SCAMP1: variants seen among roughly 807,000 people sequenced by gnomAD.
SCAMP1 encodes secretory carrier membrane protein 1.
SCAMP1 carries 15 observed loss-of-function variants against 41.8 expected under a neutral mutation model. That is an observed-to-expected ratio of 0.36 (90% CI 0.24 to 0.55). The LOEUF (loss-of-function observed/expected upper bound fraction) is 0.55, where lower values mean the gene tolerates loss of function less well. Ranked by LOEUF, SCAMP1 falls within the 20% of genes least tolerant of loss-of-function variation. The pLI, the probability that SCAMP1 is intolerant of heterozygous loss-of-function variation, is 0.86. For synonymous variants in SCAMP1, 135 were observed against 136.8 expected (o/e 0.99, Z 0.09); for missense variants, 341 against 412.6 (o/e 0.83, Z 1.50).
intron 2 of SCAMP1, among the ~76,000 whole-genome samples, chr5:78,389,701 CTTAGAG>C (rs1209084095): frequency 6.6e-6 from 1 of 152,098 alleles, no homozygotes; most frequent in African/African-American, 2.4e-5. Flanking sequence ...GCCCTCATCT[CTTAGAG>C]TTAGGGCAAT....
rs1282819078 is a variant in SCAMP1, at chr5:78,475,682, A to G, written c.*14A>G. 1.3e-6 allele frequency: 2 copies of G among 1,500,598 alleles called. No individual in the cohort carries two copies. Among genetic ancestry groups the G allele is most frequent in the African/African-American group, 2.8e-5 (2 of 71,524 alleles). The allele number at this position is 1,500,598 out of a possible 1,614,324, so 93.0% of individuals were successfully genotyped here. A position where few individuals can be genotyped will look rare whatever the true frequency, so the allele number is the denominator to read the frequency against. On this transcript the variant is annotated 3_prime_UTR_variant, in exon 9 of 9. Coordinates refer to ENST00000621999, the MANE Select transcript of SCAMP1 (RefSeq NM_004866.6). ...AACCAGATTTAAGAATCTTCAAACAATACACTGTTACCTTTTGACTGTACC... is the reference window on the plus strand; with the variant it reads ...AACCAGATTTAAGAATCTTCAAACAGTACACTGTTACCTTTTGACTGTACC...
At chr5:78,428,319 G>T (rs1194222681) in intron 6 of SCAMP1, among the ~76,000 whole-genome samples, 1 of 152,092 alleles carries the variant, frequency 6.6e-6, no homozygotes, top group African/African-American at 2.4e-5. Context: ...ACTATATTTT[G>T]TAAATTATCT....
intron 2 of SCAMP1, among the ~76,000 whole-genome samples, chr5:78,402,448 C>A (rs1193412335): frequency 1.3e-5 from 2 of 152,146 alleles, no homozygotes; most frequent in African/African-American, 4.8e-5. Context: ...GTAGTTTCAT[C>A]TGTTTCTCCT....
At chr5:78,360,809 C>T (rs556580324) in intron 1 of SCAMP1, 81 bp downstream of exon 1, 17 of 1,380,968 alleles carry the variant, frequency 1.2e-5, no homozygotes, top group Non-Finnish European at 1.5e-5. Context: ...GCGCCCACTG[C>T]GTCTGCCCCT....
chr5:78,370,817 T>C (rs989992344), intron 1 of SCAMP1: 2 of 152,186 alleles, frequency 1.3e-5, no homozygotes, highest in African/African-American at 4.8e-5. Context: ...TATGTAGATT[T>C]CTCTACATCT....
At chr5:78,364,252 A>G (rs538841361) in intron 1 of SCAMP1, among the ~76,000 whole-genome samples, 4 of 152,324 alleles carry the variant, frequency 2.6e-5, no homozygotes, top group East Asian at 1.9e-4. Flanking sequence ...ATAAGAGTGT[A>G]TGGTTAAGTG....
chr5:78,436,454 T>C (rs62364268), intron 6 of SCAMP1, among the ~76,000 whole-genome samples: 327 of 152,354 alleles, frequency 2.1e-3, no homozygotes, highest in Non-Finnish European at 3.5e-3. Flanking sequence ...CTAGCCAGTT[T>C]TCCCAGCACC....
In SCAMP1 at chr5:78,401,798, A is replaced by AT. The variant is rs374028287; in HGVS notation, c.135+12891dup. 5.2e-3 allele frequency among the ~76,000 whole-genome samples: 786 copies of AT among 151,212 alleles called. 11 individuals carry two copies. The highest frequency in any genetic ancestry group is 0.018 in the African/African-American group (755 of 41,220). On this transcript the variant is annotated intron_variant, in intron 2 of 8. Coordinates refer to ENST00000621999, the MANE Select transcript of SCAMP1 (RefSeq NM_004866.6). ...AAAAAGCCAGGTTTTCATTTTGTTG[A>AT]TTTTTTTCTATTGATTTTCTGTTTT...
intron 7 of SCAMP1, among the ~76,000 whole-genome samples, chr5:78,458,148 C>T (rs866026538): frequency 9.9e-5 from 15 of 152,228 alleles, no homozygotes; most frequent in South Asian, 2.1e-4. Flanking sequence ...CCGTCTTCTG[C>T]GTCGCTCTCG....
intron 5 of SCAMP1, 150 bp downstream of exon 5, chr5:78,419,053 A>G (rs1403099332): frequency 4.4e-6 from 3 of 686,716 alleles, no homozygotes; most frequent in African/African-American, 1.9e-5. Context: ...AACATATCCT[A>G]TTTAGGTACT....
chr5:78,416,275 A>G (rs1752206272), intron 3 of SCAMP1, among the ~76,000 whole-genome samples: 1 of 152,168 alleles, frequency 6.6e-6, no homozygotes, highest in African/African-American at 2.4e-5. Flanking sequence ...CAGATTACCT[A>G]AAGATTGTGA....
intron 1 of SCAMP1, among the ~76,000 whole-genome samples, chr5:78,387,309 T>G (rs1001581034): frequency 6.6e-6 from 1 of 151,974 alleles, no homozygotes; most frequent in Non-Finnish European, 1.5e-5. Flanking sequence ...GAAGTTGCGA[T>G]TGTTTTTTAT....
chr5:78,473,269 G>A (rs530782685), intron 8 of SCAMP1, among the ~76,000 whole-genome samples: 1 of 152,238 alleles, frequency 6.6e-6, no homozygotes, highest in South Asian at 2.1e-4. Context: ...ACTCAGGGCT[G>A]TGTGGGTTAT....
chr5:78,443,147 A>G (rs2112193317), intron 6 of SCAMP1, among the ~76,000 whole-genome samples: 1 of 141,060 alleles, frequency 7.1e-6, no homozygotes, highest in South Asian at 2.3e-4. Flanking sequence ...CTGGAGGCAG[A>G]GCTTGCAGTG....
chr5:78,421,704 T>C (rs10039582), intron 5 of SCAMP1, 97 bp from the exon 6 acceptor site: 21,980 of 1,005,544 alleles, frequency 0.022, 292 homozygotes, highest in Middle Eastern at 0.043. Flanking sequence ...ATACATTTGC[T>C]CTTAGGAAGT....
chr5:78,364,551 ATTAGAAC>A (rs1750745967), intron 1 of SCAMP1, among the ~76,000 whole-genome samples: 1 of 152,150 alleles, frequency 6.6e-6, no homozygotes, highest in African/African-American at 2.4e-5. Context: ...TAGAATTGGC[ATTAGAAC>A]TTAGGTCTCC....
chr5:78,371,025 T>A (rs1750932056), intron 1 of SCAMP1, among the ~76,000 whole-genome samples: 1 of 152,190 alleles, frequency 6.6e-6, no homozygotes. Context: ...ATTTGTCTTT[T>A]TTATTATTGA....
chr5:78,478,036 A>G lies in SCAMP1; in HGVS notation c.*2368A>G, dbSNP rs1754044937. On this transcript the variant is annotated 3_prime_UTR_variant, in exon 9 of 9. Coordinates refer to ENST00000621999, the MANE Select transcript of SCAMP1 (RefSeq NM_004866.6). ...TTAAATTATGGCAATTTTATTTCAA[A>G]CTAAAGTTTGAACACCGGAAAGTCA... 1 of 152,568 alleles carries G rather than the reference A, an allele frequency of 6.6e-6. No homozygotes were observed. Among genetic ancestry groups the G allele is most frequent in the African/African-American group, 2.4e-5 (1 of 41,444 alleles). The allele number at this position is 152,568 out of a possible 1,614,324, so 9.5% of individuals were successfully genotyped here.
At chr5:78,448,784 T>G (rs111256998) in intron 6 of SCAMP1, among the ~76,000 whole-genome samples, 16 of 152,240 alleles carry the variant, frequency 1.1e-4, no homozygotes, top group African/African-American at 3.9e-4. Flanking sequence ...GCAGATCACC[T>G]GAGGTTGGGA....
Sources: allele counts gnomAD v4.1 joint callset (sites outside exome capture counted in the v4.1 genomes callset), GRCh38; gene constraint gnomAD v4.1.1; transcripts MANE v1.5; gene names NCBI Gene and HGNC (gene_info 2026-07-23, HGNC 2026-07-21).